ENPP6: variants seen among roughly 807,000 people sequenced by gnomAD.
ENPP6 encodes glycerophosphocholine cholinephosphodiesterase ENPP6.
A neutral mutation model predicts 42.0 loss-of-function variants in ENPP6; 32 were observed. That is an observed-to-expected ratio of 0.76 (90% CI 0.58 to 1.02). The LOEUF (loss-of-function observed/expected upper bound fraction) is 1.02. Among genes scored for constraint, ENPP6 ranks in the 50% least tolerant of loss-of-function variants. The pLI is 0.00. For missense variants in ENPP6, 552 were observed against 566.8 expected (o/e 0.97, Z 0.27); for synonymous variants, 213 against 216.0 (o/e 0.99, Z 0.12).
intron 2 of ENPP6, among the ~76,000 whole-genome samples, chr4:184,134,104 A>G (rs1668003076): frequency 6.7e-6 from 1 of 149,918 alleles, no homozygotes; most frequent in Non-Finnish European, 1.5e-5. Context: ...TTTTGTATCA[A>G]GATTACACTA....
intron 7 of ENPP6, among the ~76,000 whole-genome samples, chr4:184,093,902 T>G (rs1204283034): frequency 1.3e-5 from 2 of 152,096 alleles, no homozygotes; most frequent in African/African-American, 4.8e-5. Context: ...TACTGCCACA[T>G]GGGGCCATGC....
intron 2 of ENPP6, among the ~76,000 whole-genome samples, chr4:184,145,103 C>T (rs746057458): frequency 1.3e-5 from 2 of 152,206 alleles, no homozygotes; most frequent in Non-Finnish European, 2.9e-5. Context: ...CGCATTCATG[C>T]GCTGGTCTAG....
chr4:184,134,216 G>A (rs1285734551), intron 2 of ENPP6, among the ~76,000 whole-genome samples: 1 of 151,548 alleles, frequency 6.6e-6, no homozygotes, highest in Non-Finnish European at 1.5e-5. Context: ...TGAACTCTGG[G>A]GATGTTCTTG....
At chr4:184,097,451 C>T (rs1416218338) in intron 6 of ENPP6, 83 bp from the exon 7 acceptor site, 3 of 1,573,092 alleles carry the variant, frequency 1.9e-6, no homozygotes, top group African/African-American at 1.3e-5. Context: ...GCCACTCCAC[C>T]GGGGGGCGCT....
rs114320657 is a variant in ENPP6 at position 184,175,510 on chromosome 4, T to G, written c.242-21777A>C. Reference sequence around the variant, plus strand: ...ATGGCAGATTCTATGGCAGAAAAGCTCTTCGTCTGGGGCTACCACCGCAGA... The same window carrying G: ...ATGGCAGATTCTATGGCAGAAAAGCGCTTCGTCTGGGGCTACCACCGCAGA... On this transcript the variant is annotated intron_variant, in intron 1 of 7. Transcript: ENST00000296741. Among the ~76,000 whole-genome samples, 1,063 of 152,164 alleles carry G rather than the reference T, an allele frequency of 7.0e-3. 11 individuals carry two copies. The highest frequency in any genetic ancestry group is 0.025 in the African/African-American group (1,020 of 41,498).
At chr4:184,131,163 TTC>T (rs1318762241) in intron 2 of ENPP6, among the ~76,000 whole-genome samples, 2 of 54,642 alleles carry the variant, frequency 3.7e-5, no homozygotes, top group African/African-American at 8.4e-5. Flanking sequence ...CTTTCTTTCT[TTC>T]TTTCTTTCTT....
At chr4:184,169,383 A>C (rs1286236563) in intron 1 of ENPP6, among the ~76,000 whole-genome samples, 1 of 151,932 alleles carries the variant, frequency 6.6e-6, no homozygotes, top group Non-Finnish European at 1.5e-5. Flanking sequence ...CCAGGAAGAG[A>C]CGCTGGGGCT....
chr4:184,207,771 G>T (rs184937110), intron 1 of ENPP6, among the ~76,000 whole-genome samples: 1 of 152,110 alleles, frequency 6.6e-6, no homozygotes, highest in East Asian at 1.9e-4. Flanking sequence ...GTATTCATTC[G>T]CTTGGGCTGC....
intron 1 of ENPP6, among the ~76,000 whole-genome samples, chr4:184,175,869 T>G (rs1331057231): frequency 6.6e-6 from 1 of 152,122 alleles, no homozygotes; most frequent in Non-Finnish European, 1.5e-5. Flanking sequence ...GGGTCAGATG[T>G]CCACAAAAGT....
At chr4:184,188,958 G>A (rs962120673) in intron 1 of ENPP6, among the ~76,000 whole-genome samples, 1 of 152,156 alleles carries the variant, frequency 6.6e-6, no homozygotes, top group Non-Finnish European at 1.5e-5. Flanking sequence ...AGGTGATTAA[G>A]CAAGTGGATG....
intron 1 of ENPP6, among the ~76,000 whole-genome samples, chr4:184,181,016 C>A (rs769412629): frequency 2.2e-4 from 34 of 152,128 alleles, no homozygotes; most frequent in Non-Finnish European, 1.0e-4. Flanking sequence ...CCTGGGCAAT[C>A]AGGCAAGAGA....
At chr4:184,127,133 A>C (rs1018419924) in intron 2 of ENPP6, among the ~76,000 whole-genome samples, 10 of 152,220 alleles carry the variant, frequency 6.6e-5, no homozygotes, top group Non-Finnish European at 1.0e-4. Context: ...ACTTTACAAC[A>C]TACGTAAAAG....
In ENPP6 at chr4:184,091,065, T is replaced by G; in HGVS notation, c.*112A>C. On this transcript the variant is annotated 3_prime_UTR_variant, in exon 8 of 8. Transcript: ENST00000296741. The stretch of plus-strand genomic sequence containing the variant: ...AAGAATAATGTATTTACAATGTGCA[T>G]GGTCTTGATTGTGTTAATGAAGCTA... The G allele has an allele frequency of 1.1e-6, 1 of 947,004 alleles. No individual in the cohort carries two copies. Among genetic ancestry groups the G allele is most frequent in the Non-Finnish European group, 1.5e-6 (1 of 657,646 alleles). The allele number at this position is 947,004 out of a possible 1,614,324, so 58.7% of individuals were successfully genotyped here.
intron 4 of ENPP6, 112 bp downstream of exon 4, chr4:184,117,647 C>A: frequency 1.1e-5 from 16 of 1,496,480 alleles, no homozygotes; most frequent in Non-Finnish European, 1.5e-5. Flanking sequence ...CCTGTGCTGG[C>A]CCAATTGGCC....
intron 6 of ENPP6, among the ~76,000 whole-genome samples, chr4:184,105,038 C>G (rs1736065584): frequency 6.6e-6 from 1 of 152,194 alleles, no homozygotes; most frequent in Non-Finnish European, 1.5e-5. Context: ...GAGGGCATTC[C>G]AGAGATTCTA....
At chr4:184,092,448 C>T (rs180984200) in intron 7 of ENPP6, among the ~76,000 whole-genome samples, 26 of 152,214 alleles carry the variant, frequency 1.7e-4, no homozygotes, top group African/African-American at 5.3e-4. Flanking sequence ...GCCCCAAGCT[C>T]GAGAGTCACG....
At chr4:184,164,269 ACGCTTG>A (rs1210468830) in intron 1 of ENPP6, among the ~76,000 whole-genome samples, 17 of 152,226 alleles carry the variant, frequency 1.1e-4, no homozygotes, top group African/African-American at 3.6e-4. Context: ...TGCACAAGTG[ACGCTTG>A]CTATATTGTA....
intron 1 of ENPP6, among the ~76,000 whole-genome samples, chr4:184,203,116 G>T (rs956888036): frequency 9.2e-5 from 14 of 152,020 alleles, no homozygotes; most frequent in Admixed American, 4.6e-4. Context: ...CCAAGTGTGG[G>T]GGCAGGTGCC....
At chr4:184,096,507 G>A (rs1735903542) in intron 7 of ENPP6, among the ~76,000 whole-genome samples, 1 of 152,110 alleles carries the variant, frequency 6.6e-6, no homozygotes, top group South Asian at 2.1e-4. Context: ...TTTAATTTTT[G>A]TTTTTGGGAG....
Sources: allele counts gnomAD v4.1 joint callset (sites outside exome capture counted in the v4.1 genomes callset), GRCh38; gene constraint gnomAD v4.1.1; transcripts MANE v1.5; gene names NCBI Gene and HGNC (gene_info 2026-07-23, HGNC 2026-07-21).